The following MED13L variants were observed in gnomAD, a reference collection of about 807,000 sequenced individuals.
MED13L encodes mediator complex subunit 13L, also known as mediator of RNA polymerase II transcription subunit 13-like.
A neutral mutation model predicts 220.9 loss-of-function variants in MED13L; 7 were observed. The ratio of observed to expected loss-of-function variants is 0.03; its 90% CI spans 0.02 to 0.06. The LOEUF (loss-of-function observed/expected upper bound fraction) is 0.06, where lower values mean the gene tolerates loss of function less well. MED13L is among the 10% of genes least tolerant of loss of function. The pLI, the probability that MED13L is intolerant of heterozygous loss-of-function variation, is 1.00. For synonymous variants in MED13L, 1,011 were observed against 1,015.2 expected, an observed-to-expected ratio of 1.00 and a Z score of 0.08; for missense variants, 1,965 against 2,760.5, an observed-to-expected ratio of 0.71 and a Z score of 6.46.
Position 116,132,864 on chromosome 12 carries a change from G to A in MED13L, c.311-21352C>T, listed in dbSNP as rs562923665. Among the ~76,000 whole-genome samples, 3 of 151,732 alleles carry A rather than the reference G, an allele frequency of 2.0e-5. No individual in the cohort carries two copies. The South Asian group carries it at 6.3e-4, about 32-fold the overall frequency. On this transcript the variant is annotated intron_variant, in intron 2 of 30. Transcript: ENST00000281928. ...GAAACAGGGAGGCAGAGGCTGCAGTGAGCCGACACTGCACTCCAGCCTGGG... is the reference window on the plus strand; with the variant it reads ...GAAACAGGGAGGCAGAGGCTGCAGTAAGCCGACACTGCACTCCAGCCTGGG...
intron 4 of MED13L, among the ~76,000 whole-genome samples, chr12:116,041,070 G>C (rs1881495768): frequency 6.6e-6 from 1 of 152,128 alleles, no homozygotes; most frequent in African/African-American, 2.4e-5. Flanking sequence ...GCTAAAATCA[G>C]TAATTAAAAA....
intron 1 of MED13L, chr12:116,276,328 G>A: frequency 2.0e-6 from 1 of 499,908 alleles, no homozygotes. Flanking sequence ...GTGTGTGTGT[G>A]TGTGTGTGTG....
chr12:116,188,890 T>C (rs763361328), intron 2 of MED13L, among the ~76,000 whole-genome samples: 24 of 152,348 alleles, frequency 1.6e-4, no homozygotes, highest in Admixed American at 1.2e-3. Context: ...GGTTACTGTA[T>C]ATCAAGACTT....
At chr12:116,028,679 C>G (rs961603017) in intron 4 of MED13L, among the ~76,000 whole-genome samples, 2 of 152,156 alleles carry the variant, frequency 1.3e-5, no homozygotes, top group African/African-American at 4.8e-5. Flanking sequence ...AAGATACTAT[C>G]AAATGAATAC....
At chr12:116,036,503 T>C (rs895531389) in intron 4 of MED13L, among the ~76,000 whole-genome samples, 1 of 152,234 alleles carries the variant, frequency 6.6e-6, no homozygotes, top group Non-Finnish European at 1.5e-5. Flanking sequence ...AGTTTTAGAA[T>C]GCAACTATTA....
chr12:116,275,292 G>C (rs1035450601), intron 1 of MED13L, among the ~76,000 whole-genome samples: 1 of 152,078 alleles, frequency 6.6e-6, no homozygotes, highest in Admixed American at 6.6e-5. Flanking sequence ...TGAGGCAAAA[G>C]GGGGTTTTAC....
chr12:116,007,878 T>A (rs756177078), intron 10 of MED13L: 42 of 519,582 alleles, frequency 8.1e-5, no homozygotes, highest in Non-Finnish European at 1.2e-4. Context: ...TCAAATTCCA[T>A]CTGTGTCATT....
intron 3 of MED13L, among the ~76,000 whole-genome samples, chr12:116,102,703 C>CCTT (rs1873175799): frequency 1.6e-5 from 1 of 63,204 alleles, no homozygotes; most frequent in African/African-American, 5.4e-5. Flanking sequence ...TTTTCTTTTT[C>CCTT]TTTTTTCTTT....
intron 4 of MED13L, among the ~76,000 whole-genome samples, chr12:116,060,636 TAC>T (rs546115266): frequency 2.1e-4 from 32 of 151,952 alleles, no homozygotes; most frequent in African/African-American, 7.2e-4. Flanking sequence ...AATGATTCTG[TAC>T]ACTTTTTTCA....
At chr12:116,146,691 C>T (rs1288115742) in intron 2 of MED13L, among the ~76,000 whole-genome samples, 2 of 151,666 alleles carry the variant, frequency 1.3e-5, no homozygotes, top group African/African-American at 2.4e-5. Flanking sequence ...CGTGAGGAAA[C>T]CCCCATCTCT....
intron 4 of MED13L, among the ~76,000 whole-genome samples, chr12:116,050,284 G>A (rs980539200): frequency 4.6e-5 from 7 of 152,028 alleles, no homozygotes; most frequent in Non-Finnish European, 7.4e-5. Flanking sequence ...ATATGTGAGC[G>A]GGCACACAAA....
intron 1 of MED13L, among the ~76,000 whole-genome samples, chr12:116,241,824 A>G (rs1227687227): frequency 1.3e-5 from 2 of 152,192 alleles, no homozygotes; most frequent in Non-Finnish European, 2.9e-5. Flanking sequence ...AACACTAATC[A>G]AGCCTAAAAG....
At position 116,010,636 on chromosome 12, in the gene MED13L, A is replaced by C. The variant is rs150305119; in HGVS notation, c.1281-1504T>G. Among the ~76,000 whole-genome samples the C allele has an allele frequency of 2.2e-4, 33 of 152,278 alleles. No individual in the cohort carries two copies. The East Asian group carries it at 6.2e-3, about 29-fold the overall frequency. ...GAAAATCAGACGAAGTCGGCACACT[A>C]TATGGGTGACTGGTGGTAGGAAGAA... On this transcript the variant is annotated intron_variant, in intron 9 of 30. Coordinates refer to ENST00000281928, the MANE Select transcript of MED13L (RefSeq NM_015335.5).
At chr12:116,228,584 C>G (rs1317983607) in intron 2 of MED13L, among the ~76,000 whole-genome samples, 2 of 152,122 alleles carry the variant, frequency 1.3e-5, no homozygotes. Context: ...CCTAAGAAAA[C>G]CCTAGTTTTA....
At position 116,012,846 on chromosome 12, in the gene MED13L, T is replaced by C. The variant is rs773197510; in HGVS notation, c.1231A>G (p.Thr411Ala). ...TGGGTTGGATCCACAAAATCCCAAG[T>C]AGCAGGATTGCTAGCAGGCTCTTCT... Reference protein sequence around the residue: ...LEEEPASNPATWDFVDPTQRV... With the variant: ...LEEEPASNPAAWDFVDPTQRV... The change falls in exon 9 of 31, where the codon ACT (threonine) becomes GCT (alanine). Residue 411 changes from threonine (T) to alanine (A), a missense_variant. Coordinates refer to ENST00000281928, the MANE Select transcript of MED13L (RefSeq NM_015335.5). 2.5e-6 allele frequency: 4 copies of C among 1,614,000 alleles called. No individual in the cohort carries two copies. The highest frequency in any genetic ancestry group is 1.1e-5 in the South Asian group (1 of 91,080).
chr12:116,144,580 G>A (rs1426545830), intron 2 of MED13L, among the ~76,000 whole-genome samples: 1 of 152,186 alleles, frequency 6.6e-6, no homozygotes, highest in Non-Finnish European at 1.5e-5. Context: ...ACTAATAGCT[G>A]ACCTACTGTA....
intron 23 of MED13L, among the ~76,000 whole-genome samples, chr12:115,976,099 G>A (rs994590243): frequency 1.3e-5 from 2 of 152,084 alleles, no homozygotes; most frequent in African/African-American, 4.8e-5. Context: ...GAAAATATTG[G>A]TAAGAATATG....
intron 4 of MED13L, among the ~76,000 whole-genome samples, chr12:116,065,673 A>C (rs2137657445): frequency 6.6e-6 from 1 of 152,352 alleles, no homozygotes. Context: ...CACATGTCCC[A>C]AGAGGCCTAA....
chr12:116,260,126 G>C lies in MED13L; in HGVS notation c.72+16934C>G, dbSNP rs148285666. ...CTTGGAAATATTTGGTATTTCATTAGTACTACCTCACTTGGAGAGAAAGTA... is the reference window on the plus strand; with the variant it reads ...CTTGGAAATATTTGGTATTTCATTACTACTACCTCACTTGGAGAGAAAGTA... On this transcript the variant is annotated intron_variant, in intron 1 of 30. Coordinates refer to ENST00000281928, the MANE Select transcript of MED13L (RefSeq NM_015335.5). Among the ~76,000 whole-genome samples the C allele has an allele frequency of 7.5e-3, 1,136 of 152,238 alleles. 22 individuals are homozygous for C. The highest frequency in any genetic ancestry group is 0.026 in the African/African-American group (1,069 of 41,528).
Sources: allele counts gnomAD v4.1 joint callset (sites outside exome capture counted in the v4.1 genomes callset), GRCh38; gene constraint gnomAD v4.1.1; transcripts MANE v1.5; gene names NCBI Gene and HGNC (gene_info 2026-07-23, HGNC 2026-07-21).